The following RBMS1 variants were observed in gnomAD, a reference collection of about 807,000 sequenced individuals.
RBMS1 encodes the protein RNA-binding motif, single-stranded-interacting protein 1.
A neutral mutation model predicts 62.3 loss-of-function variants in RBMS1; 17 were observed. The observed-to-expected ratio is 0.27, with a 90% CI of 0.19 to 0.41. RBMS1 has a LOEUF of 0.41. Among genes scored for constraint, RBMS1 ranks in the 10% least tolerant of loss-of-function variants. The pLI is 1.00. For synonymous variants in RBMS1, 172 were observed against 170.0 expected, an observed-to-expected ratio of 1.01 and a Z score of -0.09; for missense variants, 334 against 504.5, an observed-to-expected ratio of 0.66 and a Z score of 3.24.
At chr2:160,426,058 A>C (rs1682546159) in intron 1 of RBMS1, among the ~76,000 whole-genome samples, 1 of 152,012 alleles carries the variant, frequency 6.6e-6, no homozygotes, top group African/African-American at 2.4e-5. Flanking sequence ...CATTTAAGGC[A>C]AGTTATTAAA....
At chr2:160,338,578 A>G (rs996723989) in intron 2 of RBMS1, among the ~76,000 whole-genome samples, 2 of 152,204 alleles carry the variant, frequency 1.3e-5, no homozygotes, top group Non-Finnish European at 2.9e-5. Context: ...GAAAGCAGTC[A>G]TCATATCCTG....
At chr2:160,392,528 C>T (rs144036694) in intron 1 of RBMS1, among the ~76,000 whole-genome samples, 102 of 151,976 alleles carry the variant, frequency 6.7e-4, no homozygotes, top group African/African-American at 2.4e-3. Flanking sequence ...CCCACGTAAA[C>T]CTTTATTGCT....
intron 1 of RBMS1, among the ~76,000 whole-genome samples, chr2:160,452,156 C>G (rs957244950): frequency 2.6e-5 from 4 of 151,724 alleles, no homozygotes; most frequent in African/African-American, 9.7e-5. Flanking sequence ...AAAATCAGAT[C>G]AGTTATGAGA....
chr2:160,425,588 C>T (rs1419595551), intron 1 of RBMS1, among the ~76,000 whole-genome samples: 1 of 152,114 alleles, frequency 6.6e-6, no homozygotes, highest in Non-Finnish European at 1.5e-5. Context: ...GAAAGTGAAT[C>T]ACAGGACAGT....
At chr2:160,438,695 G>A (rs1450278495) in intron 1 of RBMS1, among the ~76,000 whole-genome samples, 6 of 152,326 alleles carry the variant, frequency 3.9e-5, no homozygotes, top group African/African-American at 7.2e-5. Context: ...CGATTTCTCA[G>A]TCTTTTCCCC....
intron 1 of RBMS1, among the ~76,000 whole-genome samples, chr2:160,422,590 C>T (rs569723346): frequency 1.3e-5 from 2 of 152,186 alleles, no homozygotes; most frequent in East Asian, 1.9e-4. Flanking sequence ...ATGAGGTCAC[C>T]ATCACCACCA....
chr2:160,389,604 A>T (rs1271749299), intron 1 of RBMS1, among the ~76,000 whole-genome samples: 2 of 145,852 alleles, frequency 1.4e-5, no homozygotes, highest in Non-Finnish European at 3.0e-5. Context: ...AGGCTGAGGC[A>T]GGAGAATCGC....
In RBMS1 at chr2:160,357,031, C is replaced by A. The variant is rs1018162607; in HGVS notation, c.251+10185G>T. The stretch of plus-strand genomic sequence containing the variant: ...TCAACAGTAACTCAATAAGGAAATT[C>A]TACATAAAACCAAGCACAACTGCCA... On this transcript the variant is annotated intron_variant, in intron 2 of 13. Transcript: ENST00000348849. Among the ~76,000 whole-genome samples the A allele has an allele frequency of 2.0e-5, 3 of 151,984 alleles. No individual in the cohort carries two copies. The East Asian group carries it at 5.8e-4, about 29-fold the overall frequency.
chr2:160,277,163 G>T, intron 12 of RBMS1, 140 bp downstream of exon 12: 1 of 726,864 alleles, frequency 1.4e-6, no homozygotes, highest in Non-Finnish European at 2.3e-6. Context: ...TGGACTTACA[G>T]GCATGACCCA....
intron 2 of RBMS1, among the ~76,000 whole-genome samples, chr2:160,340,707 G>A (rs1408660092): frequency 6.6e-6 from 1 of 152,108 alleles, no homozygotes; most frequent in Non-Finnish European, 1.5e-5. Flanking sequence ...AAAACTTCCT[G>A]AGTCTAAAGC....
At position 160,346,557 on chromosome 2, in the gene RBMS1, G is replaced by A. The variant is rs548761585; in HGVS notation, c.251+20659C>T. ...GTTCTCATGTTGTAAAACTGGAAAAGCTTCCATCATCCGTCCACTCCTCCT... is the reference window on the plus strand; with the variant it reads ...GTTCTCATGTTGTAAAACTGGAAAAACTTCCATCATCCGTCCACTCCTCCT... On this transcript the variant is annotated intron_variant, in intron 2 of 13. Transcript: ENST00000348849. Among the ~76,000 whole-genome samples, 17 of 152,204 alleles carry A rather than the reference G, an allele frequency of 1.1e-4. 1 individual carries two copies. The East Asian group carries it at 3.3e-3, about 29-fold the overall frequency.
At chr2:160,293,845 T>C (rs962687960) in intron 6 of RBMS1, among the ~76,000 whole-genome samples, 7 of 152,194 alleles carry the variant, frequency 4.6e-5, no homozygotes, top group African/African-American at 1.7e-4. Flanking sequence ...CACTGAATCA[T>C]GATCATGTGT....
At chr2:160,450,037 T>C (rs572137311) in intron 1 of RBMS1, among the ~76,000 whole-genome samples, 1 of 152,222 alleles carries the variant, frequency 6.6e-6, no homozygotes, top group South Asian at 2.1e-4. Context: ...TGCAGATTCC[T>C]TTCTCACCCC....
chr2:160,407,652 C>G lies in RBMS1; in HGVS notation c.76-40261G>C, dbSNP rs1049097052. 44 of 981,750 alleles carry G rather than the reference C, an allele frequency of 4.5e-5. No homozygotes were observed. The African/African-American group carries it at 7.2e-4, about 16-fold the overall frequency. 60.8% of individuals were successfully genotyped at this position (981,750 alleles called of 1,614,324 possible). On this transcript the variant is annotated intron_variant, in intron 1 of 13. Coordinates refer to ENST00000348849, the MANE Select transcript of RBMS1 (RefSeq NM_016836.4). Reference sequence around the variant, plus strand: ...CGGGGCCGCGGCAGCTCTGGGAACTCCCTCTCGCCGCGCGGCGGCGGCCGG... The same window carrying G: ...CGGGGCCGCGGCAGCTCTGGGAACTGCCTCTCGCCGCGCGGCGGCGGCCGG...
At chr2:160,346,901 T>C (rs535181818) in intron 2 of RBMS1, among the ~76,000 whole-genome samples, 42 of 152,156 alleles carry the variant, frequency 2.8e-4, no homozygotes, top group African/African-American at 9.6e-4. Context: ...AAACTAAATA[T>C]AATATTACAA....
At chr2:160,295,795 G>A (rs1444789879) in intron 6 of RBMS1, among the ~76,000 whole-genome samples, 1 of 152,218 alleles carries the variant, frequency 6.6e-6, no homozygotes, top group African/African-American at 2.4e-5. Flanking sequence ...AGGAACTGAA[G>A]AGCTTTTGTT....
Position 160,295,884 on chromosome 2 carries a change from T to C in RBMS1, c.640+4767A>G, listed in dbSNP as rs189991108. Among the ~76,000 whole-genome samples the C allele has an allele frequency of 7.0e-4, 107 of 152,370 alleles. 2 individuals are homozygous for C. The East Asian group carries it at 0.018, about 25-fold the overall frequency. ...ATACACCATCAAAACAAAAGTGTCC[T>C]AGATGTTTTTCCTTCTCAAACTTTC... On this transcript the variant is annotated intron_variant, in intron 6 of 13. Transcript: ENST00000348849.
At chr2:160,356,138 C>T (rs1230504900) in intron 2 of RBMS1, among the ~76,000 whole-genome samples, 1 of 152,050 alleles carries the variant, frequency 6.6e-6, no homozygotes, top group Non-Finnish European at 1.5e-5. Flanking sequence ...AGGCGCCTAG[C>T]AAATGACAAG....
chr2:160,319,690 A>G (rs534314349), intron 2 of RBMS1, among the ~76,000 whole-genome samples: 1 of 152,228 alleles, frequency 6.6e-6, no homozygotes, highest in Non-Finnish European at 1.5e-5. Context: ...GACAAAAAGC[A>G]TATTAAAATT....
Sources: gnomAD v4.1 joint callset for allele counts (sites outside exome capture counted in the v4.1 genomes callset) on GRCh38, gnomAD v4.1.1 for gene constraint, MANE v1.5 for transcripts, NCBI Gene and HGNC (gene_info 2026-07-23, HGNC 2026-07-21) for gene names.